Variants in ARNT observed in about 807,000 individuals in gnomAD.
ARNT encodes the protein aryl hydrocarbon receptor nuclear translocator.
In ARNT, 30 loss-of-function variants were observed where a neutral mutation model predicts 105.0. The ratio of observed to expected loss-of-function variants is 0.29; its 90% CI spans 0.21 to 0.39. The LOEUF (loss-of-function observed/expected upper bound fraction) is 0.39. Ranked by LOEUF, ARNT falls within the 10% of genes least tolerant of loss-of-function variation. ARNT has a pLI of 1.00. For synonymous variants in ARNT, 304 were observed against 344.0 expected (o/e 0.88, Z 1.29); for missense variants, 748 against 978.7 (o/e 0.76, Z 3.15).
intron 4 of ARNT, among the ~76,000 whole-genome samples, chr1:150,844,269 A>G (rs989190486): frequency 1.3e-5 from 2 of 152,154 alleles, no homozygotes; most frequent in African/African-American, 4.8e-5. Flanking sequence ...TACCACTGCC[A>G]CTGTAACCCA....
At chr1:150,818,234 CAG>C in intron 14 of ARNT, 1 of 478,642 alleles carries the variant, frequency 2.1e-6, no homozygotes, top group Non-Finnish European at 3.7e-6. Context: ...TTCTATGACA[CAG>C]GGGTCATCTT....
intron 19 of ARNT, among the ~76,000 whole-genome samples, chr1:150,815,863 C>CA (rs35003478): frequency 0.82 from 99,563 of 121,946 alleles, 40,208 homozygotes; most frequent in Non-Finnish European, 0.87. Context: ...GACTCTGTCT[C>CA]AAAAAAAAAA....
intron 1 of ARNT, among the ~76,000 whole-genome samples, chr1:150,865,822 C>T (rs1336861813): frequency 6.6e-6 from 1 of 152,154 alleles, no homozygotes; most frequent in Non-Finnish European, 1.5e-5. Context: ...CTATCTCCTA[C>T]TGGTAGAGCC....
chr1:150,869,544 CTTT>C (rs869055633), intron 1 of ARNT, among the ~76,000 whole-genome samples: 2 of 141,164 alleles, frequency 1.4e-5, no homozygotes, highest in Admixed American at 1.4e-4. Context: ...GAAACTACTC[CTTT>C]TTTTTTTTTT....
intron 3 of ARNT, among the ~76,000 whole-genome samples, chr1:150,851,536 T>C (rs1480219022): frequency 2.6e-5 from 4 of 152,286 alleles, no homozygotes; most frequent in African/African-American, 9.6e-5. Flanking sequence ...TGCCTTGGGA[T>C]GCTGTTGATC....
rs587608052 is a variant in ARNT, at chr1:150,814,128, A to G, written c.2062T>C (p.Ser688Pro). 3.7e-6 allele frequency: 6 copies of G among 1,614,210 alleles called. No homozygotes were observed. The East Asian group carries it at 1.1e-4, about 30-fold the overall frequency. ...CTAGGGTAGGCAGCAGCACCAGGCG[A>G]TGCAGTTGGGGCACCAGGGAGGGAC... ...SMSLPGAPTASPGAAAYPSLT... is the reference protein window; with the variant it reads ...SMSLPGAPTAPPGAAAYPSLT... The change falls in exon 20 of 22, where the codon TCG (serine) becomes CCG (proline). Residue 688 changes from serine to proline, a missense_variant. Around this residue, in one of 4 missense-constraint regions of ARNT, gnomAD observed 360 missense variants for 411.9 expected, o/e 0.87. Transcript: ENST00000358595.
intron 4 of ARNT, among the ~76,000 whole-genome samples, chr1:150,843,931 TCTA>T (rs772714484): frequency 1.3e-5 from 2 of 152,032 alleles, no homozygotes; most frequent in South Asian, 4.1e-4. Context: ...AATTCCTATT[TCTA>T]CTACTACTAC....
Position 150,836,262 on chromosome 1 carries a change from C to T in ARNT, c.700+18G>A, listed in dbSNP as rs749188658. Reference sequence around the variant, plus strand: ...AAGAAAGGACTTCTCATTCATTTCCCATACACATAACTCTCACCTGTCAGG... The same window carrying T: ...AAGAAAGGACTTCTCATTCATTTCCTATACACATAACTCTCACCTGTCAGG... On this transcript the variant is annotated intron_variant, in intron 7 of 21. Transcript: ENST00000358595. 4.3e-6 allele frequency: 7 copies of T among 1,610,100 alleles called. No individual in the cohort carries two copies. The highest frequency in any genetic ancestry group is 5.9e-6 in the Non-Finnish European group (7 of 1,176,578).
chr1:150,836,418 A>T lies in ARNT; in HGVS notation c.562T>A (p.Tyr188Asn). The T allele has an allele frequency of 6.2e-7, 1 of 1,614,152 alleles. No homozygotes were observed. The highest frequency in any genetic ancestry group is 8.5e-7 in the Non-Finnish European group (1 of 1,180,004). ...ACAGGAGTCACGGAGTCAGACACAT[A>T]CACCACCCTGCCTGTCTCACATGAG... Reference protein sequence around the residue: ...IVSCETGRVVYVSDSVTPVLN... With the variant: ...IVSCETGRVVNVSDSVTPVLN... The change falls in exon 7 of 22, where the codon TAT becomes AAT. Residue 188 changes from tyrosine (Y) to asparagine (N), a missense_variant. Around this residue, in one of 4 missense-constraint regions of ARNT, gnomAD observed 291 missense variants for 444.6 expected, o/e 0.65. Transcript: ENST00000358595.
At position 150,869,750 on chromosome 1, in the gene ARNT, C is replaced by A. The variant is rs112417874; in HGVS notation, c.25+6793G>T. On this transcript the variant is annotated intron_variant, in intron 1 of 21. Coordinates refer to ENST00000358595, the MANE Select transcript of ARNT (RefSeq NM_001668.4). ...TATATTTTTGTGGAGACAAGGTCTC[C>A]CTATATTGCTCAGGCTGGTCTCCAA... 9.0e-3 allele frequency among the ~76,000 whole-genome samples: 1,368 copies of A among 151,972 alleles called. 9 individuals carry two copies. The highest frequency in any genetic ancestry group is 0.011 in the Non-Finnish European group (717 of 67,942).
chr1:150,813,111 C>A, intron 21 of ARNT, 61 bp downstream of exon 21: 1 of 1,557,934 alleles, frequency 6.4e-7, no homozygotes, highest in Non-Finnish European at 8.7e-7. Context: ...CACTGTCTCT[C>A]CTCCTCCTGG....
At chr1:150,841,114 T>G (rs1360240979) in intron 5 of ARNT, among the ~76,000 whole-genome samples, 1 of 150,460 alleles carries the variant, frequency 6.6e-6, no homozygotes, top group Non-Finnish European at 1.5e-5. Flanking sequence ...ACGCCCAGTT[T>G]TTTTTTTTTT....
chr1:150,873,128 C>CA lies in ARNT; in HGVS notation c.25+3414dup, dbSNP rs1158585770. ...TGAAACCCTGTCTCTACTAAAAATA[C>CA]AAAAAAAAAAATTAGCCGGGCGTGG... is the stretch of plus-strand genomic sequence containing the variant. On this transcript the variant is annotated intron_variant, in intron 1 of 21. Coordinates refer to ENST00000358595, the MANE Select transcript of ARNT (RefSeq NM_001668.4). Among the ~76,000 whole-genome samples the CA allele has an allele frequency of 8.7e-3, 1,269 of 145,042 alleles. 6 individuals are homozygous for CA. The highest frequency in any genetic ancestry group is 0.011 in the Non-Finnish European group (730 of 65,622).
intron 3 of ARNT, among the ~76,000 whole-genome samples, chr1:150,849,317 G>A (rs1662871327): frequency 6.6e-6 from 1 of 151,900 alleles, no homozygotes; most frequent in Non-Finnish European, 1.5e-5. Flanking sequence ...ACTCAGCAAC[G>A]TACAGACTAC....
intron 19 of ARNT, among the ~76,000 whole-genome samples, chr1:150,815,973 G>A (rs1415262051): frequency 1.3e-5 from 2 of 152,056 alleles, no homozygotes; most frequent in African/African-American, 4.8e-5. Context: ...AAACAAAGAG[G>A]AAACATCTTA....
At chr1:150,838,594 C>T (rs1660717067) in intron 6 of ARNT, among the ~76,000 whole-genome samples, 2 of 152,162 alleles carry the variant, frequency 1.3e-5, no homozygotes, top group Admixed American at 6.5e-5. Context: ...TATATTCTCT[C>T]CTTCTTTCTA....
Position 150,868,697 on chromosome 1 carries a change from C to A in ARNT, c.25+7846G>T, listed in dbSNP as rs189027338. ...TGGGCAGATCACGAGGTCAGGAGAT[C>A]GAGACCATCCTGGCCAACATGGTGA... On this transcript the variant is annotated intron_variant, in intron 1 of 21. Transcript: ENST00000358595. Among the ~76,000 whole-genome samples, 652 of 151,228 alleles carry A rather than the reference C, an allele frequency of 4.3e-3. 2 individuals are homozygous for A. Among genetic ancestry groups the A allele is most frequent in the African/African-American group, 0.015 (626 of 41,176 alleles).
chr1:150,873,020 C>G (rs1275796210), intron 1 of ARNT, among the ~76,000 whole-genome samples: 3 of 151,866 alleles, frequency 2.0e-5, no homozygotes, highest in African/African-American at 7.3e-5. Flanking sequence ...CACGGTGACT[C>G]AAGCCTGTAA....
intron 20 of ARNT, 109 bp from the exon 21 acceptor site, chr1:150,813,447 ACTCTGTCCTT>A: frequency 8.7e-7 from 1 of 1,144,052 alleles, no homozygotes. Context: ...ACCTAGGATA[ACTCTGTCCTT>A]CTCTCTGCCA....
Sources: gnomAD v4.1 joint callset for allele counts (sites outside exome capture counted in the v4.1 genomes callset) on GRCh38, gnomAD v4.1.1 for gene constraint, gnomAD v4.1.1 regional missense constraint, MANE v1.5 for transcripts, NCBI Gene and HGNC (gene_info 2026-07-23, HGNC 2026-07-21) for gene names.